Variants in KDM4C observed in about 807,000 individuals in gnomAD.
The protein encoded by KDM4C is lysine-specific demethylase 4C.
A neutral mutation model predicts 129.3 loss-of-function variants in KDM4C; 81 were observed. The observed-to-expected ratio is 0.63, with a 90% CI of 0.52 to 0.75. The LOEUF is 0.75. Among genes scored for constraint, KDM4C ranks in the 30% least tolerant of loss-of-function variants. KDM4C has a pLI of 0.00. For missense variants in KDM4C, 1,457 were observed against 1,304.0 expected, an observed-to-expected ratio of 1.12 and a Z score of -1.81; for synonymous variants, 573 against 456.1, an observed-to-expected ratio of 1.26 and a Z score of -3.26.
At chr9:7,071,303 G>C (rs921072234) in intron 17 of KDM4C, among the ~76,000 whole-genome samples, 1 of 152,030 alleles carries the variant, frequency 6.6e-6, no homozygotes, top group East Asian at 1.9e-4. Context: ...AATGATAATC[G>C]AATTCTAAAA....
chr9:6,816,850 C>CTT (rs35206146), intron 4 of KDM4C, among the ~76,000 whole-genome samples: 17 of 146,060 alleles, frequency 1.2e-4, no homozygotes, highest in East Asian at 4.0e-4. Context: ...TTTTCTTTTT[C>CTT]TTTTTTTTTT....
intron 17 of KDM4C, among the ~76,000 whole-genome samples, chr9:7,099,198 GA>G (rs916922366): frequency 3.3e-5 from 5 of 152,088 alleles, no homozygotes; most frequent in Non-Finnish European, 5.9e-5. Flanking sequence ...GTTTGTGGAA[GA>G]AAAAAACATC....
intron 8 of KDM4C, among the ~76,000 whole-genome samples, chr9:6,947,092 T>C (rs1827103496): frequency 6.6e-6 from 1 of 152,146 alleles, no homozygotes; most frequent in Admixed American, 6.6e-5. Flanking sequence ...AAAACAAATA[T>C]AGCCATGTGA....
At chr9:6,754,969 G>C (rs1352214760), upstream of KDM4C, among the ~76,000 whole-genome samples, 3 of 152,062 alleles carry the variant, frequency 2.0e-5, no homozygotes, top group East Asian at 5.8e-4. Context: ...CAGGCATGGT[G>C]GCTCACGTCT....
At chr9:6,807,429 GA>G (rs1466313474) in intron 3 of KDM4C, among the ~76,000 whole-genome samples, 1 of 145,780 alleles carries the variant, frequency 6.9e-6, no homozygotes, top group Non-Finnish European at 1.5e-5. Flanking sequence ...TCCCATCTAG[GA>G]AGTGAGGAGC....
intron 4 of KDM4C, among the ~76,000 whole-genome samples, chr9:6,837,367 A>G (rs1002942985): frequency 2.3e-4 from 35 of 152,218 alleles, no homozygotes; most frequent in Non-Finnish European, 5.9e-5. Flanking sequence ...TATAATCATT[A>G]TTAAGACAGC....
intron 19 of KDM4C, among the ~76,000 whole-genome samples, chr9:7,157,686 G>T (rs1295280354): frequency 5.3e-5 from 8 of 152,210 alleles, no homozygotes; most frequent in African/African-American, 1.9e-4. Flanking sequence ...AACCAGCCTT[G>T]CATCCCAGGG....
rs1477487723 is a variant in KDM4C at position 7,052,898 on chromosome 9, A to AGAGAGAGAGAGAGAGACAGC, written c.2424+3701_2424+3702insAGAGAGAGAGAGACAGCGAG. Among the ~76,000 whole-genome samples, 74 of 47,608 alleles carry AGAGAGAGAGAGAGAGACAGC rather than the reference A, an allele frequency of 1.6e-3. 1 individual carries two copies. The highest frequency in any genetic ancestry group is 3.2e-3 in the African/African-American group (70 of 21,758). The allele number at this position is 47,608 out of a possible 152,430, so 31.2% of individuals were successfully genotyped here. A position where few individuals can be genotyped will look rare whatever the true frequency, so the allele number is the denominator to read the frequency against. On this transcript the variant is annotated intron_variant, in intron 17 of 21. Coordinates refer to ENST00000381309, the MANE Select transcript of KDM4C (RefSeq NM_015061.6). ...GAGAGAGAGAGAGAGAGAGAGAGAG[A>AGAGAGAGAGAGAGAGACAGC]GAGCGAGCGAGTGCCCAAGGGATGA...
At chr9:6,923,194 G>A (rs554626807) in intron 8 of KDM4C, among the ~76,000 whole-genome samples, 111 of 151,796 alleles carry the variant, frequency 7.3e-4, no homozygotes, top group Non-Finnish European at 1.4e-3. Flanking sequence ...ACAATAGCTC[G>A]TTTGTTACAT....
chr9:7,048,729 C>G (rs915963781), intron 16 of KDM4C, among the ~76,000 whole-genome samples: 1 of 152,052 alleles, frequency 6.6e-6, no homozygotes, highest in Non-Finnish European at 1.5e-5. Flanking sequence ...TAATCTTTTG[C>G]CACATATTGA....
chr9:7,032,024 A>T (rs2132372434), intron 15 of KDM4C, among the ~76,000 whole-genome samples: 1 of 152,322 alleles, frequency 6.6e-6, no homozygotes, highest in South Asian at 2.1e-4. Context: ...AGGTAAAGAC[A>T]ATTCATGTCT....
At chr9:6,822,149 C>T (rs1261881289) in intron 4 of KDM4C, among the ~76,000 whole-genome samples, 4 of 152,146 alleles carry the variant, frequency 2.6e-5, no homozygotes, top group African/African-American at 7.2e-5. Context: ...CAAGTTCTGC[C>T]TTTTGCTGGT....
intron 19 of KDM4C, among the ~76,000 whole-genome samples, chr9:7,142,800 G>A (rs1045104079): frequency 9.9e-5 from 15 of 152,114 alleles, no homozygotes; most frequent in Middle Eastern, 3.2e-3. Context: ...GGAAATCACC[G>A]TCTCACCTGC....
rs73410621 is a variant in KDM4C, at chr9:6,925,934, A to G, written c.921+32702A>G. Among the ~76,000 whole-genome samples, 1,443 of 152,222 alleles carry G rather than the reference A, an allele frequency of 9.5e-3. 22 individuals are homozygous for G. Among genetic ancestry groups the G allele is most frequent in the African/African-American group, 0.03 (1,256 of 41,518 alleles). On this transcript the variant is annotated intron_variant, in intron 8 of 21. Coordinates refer to ENST00000381309, the MANE Select transcript of KDM4C (RefSeq NM_015061.6). The stretch of plus-strand genomic sequence containing the variant: ...CCGCAGCTTAGCTTGGGATATTAGG[A>G]TTAGCAGTCACTGGAGTGGAACGTT...
chr9:7,108,750 C>T (rs1837987939), intron 18 of KDM4C, among the ~76,000 whole-genome samples: 1 of 152,130 alleles, frequency 6.6e-6, no homozygotes, highest in Admixed American at 6.5e-5. Flanking sequence ...CCTCTCATTG[C>T]TAACAACAGT....
chr9:6,757,387 T>C (rs1234149586), upstream of KDM4C, among the ~76,000 whole-genome samples: 1 of 152,216 alleles, frequency 6.6e-6, no homozygotes, highest in Non-Finnish European at 1.5e-5. Flanking sequence ...CCGGACAGTT[T>C]TGCTTCCAGA....
intron 15 of KDM4C, among the ~76,000 whole-genome samples, chr9:7,041,414 G>T (rs1404301145): frequency 6.6e-6 from 1 of 151,980 alleles, no homozygotes; most frequent in Non-Finnish European, 1.5e-5. Context: ...CTTGGATACT[G>T]AGGGTCGACT....
intron 18 of KDM4C, among the ~76,000 whole-genome samples, chr9:7,121,063 G>T (rs1050948151): frequency 6.6e-6 from 1 of 152,150 alleles, no homozygotes; most frequent in Non-Finnish European, 1.5e-5. Context: ...TAACATTTTA[G>T]TATGTATTTT....
At position 7,103,770 on chromosome 9, in the gene KDM4C, A is replaced by G. The variant is rs1837369781; in HGVS notation, c.2510A>G (p.His837Arg). The change falls in exon 18 of 22, where the codon CAT becomes CGT. Residue 837 changes from histidine to arginine, a missense_variant. Coordinates refer to ENST00000381309, the MANE Select transcript of KDM4C (RefSeq NM_015061.6). ...TACGGTCGCTGCCCGGCCTCCTTCC[A>G]TGTCACTTGTGCCCATGCTGCTGGG... ...CSYGRCPASF[H>R]VTCAHAAGVL... The G allele has an allele frequency of 6.2e-7, 1 of 1,613,838 alleles. No homozygotes were observed. Among genetic ancestry groups the G allele is most frequent in the African/African-American group, 1.3e-5 (1 of 74,862 alleles).
Sources: gnomAD v4.1 joint callset for allele counts (sites outside exome capture counted in the v4.1 genomes callset) on GRCh38, gnomAD v4.1.1 for gene constraint, MANE v1.5 for transcripts, NCBI Gene and HGNC (gene_info 2026-07-23, HGNC 2026-07-21) for gene names.